Variants in NME4 observed in about 807,000 individuals in gnomAD.
NME4 encodes the protein NME/NM23 nucleoside diphosphate kinase 4.
In NME4, 21 loss-of-function variants were observed where a neutral mutation model predicts 16.4. The ratio of observed to expected loss-of-function variants is 1.28; its 90% CI spans 0.91 to 1.84. The LOEUF (loss-of-function observed/expected upper bound fraction) is 1.84, where lower values mean the gene tolerates loss of function less well. Among genes scored for constraint, NME4 ranks in the 40% most tolerant of loss-of-function variants. The pLI is 0.00. For missense variants in NME4, 316 were observed against 261.3 expected (o/e 1.21, Z -1.44); for synonymous variants, 132 against 107.5 (o/e 1.23, Z -1.41).
chr16:399,608 C>A lies in NME4; in HGVS notation c.328-19C>A. 1.1e-5 allele frequency: 18 copies of A among 1,610,476 alleles called. No homozygotes were observed. The highest frequency in any genetic ancestry group is 1.5e-5 in the Non-Finnish European group (18 of 1,177,524). On this transcript the variant is annotated intron_variant, in intron 3 of 4. Transcript: ENST00000219479. Reference sequence around the variant, plus strand: ...CTTGGTGTTCCCCACTTCTCCCCAACCATTATCTCTCGCTGCAGGTCTGGG... The same window carrying A: ...CTTGGTGTTCCCCACTTCTCCCCAAACATTATCTCTCGCTGCAGGTCTGGG...
rs1449719319 is a variant in NME4, at chr16:399,637, G to A, written c.338G>A (p.Gly113Glu). ...TATCTCTCGCTGCAGGTCTGGGAAGGGTACAATGTCGTCCGCGCCTCGAGG... is the reference window on the plus strand; with the variant it reads ...TATCTCTCGCTGCAGGTCTGGGAAGAGTACAATGTCGTCCGCGCCTCGAGG... ...SGPVVAMVWE[G>E]YNVVRASRAM... Residue 113 changes from glycine (G) to glutamate (E), a missense_variant, in exon 4 of 5, where the codon GGG (glycine) becomes GAG (glutamate). Physicochemically the swap from Gly to Glu is moderately conservative, Grantham distance 98. Transcript: ENST00000219479. 1.2e-6 allele frequency: 2 copies of A among 1,613,042 alleles called. No individual in the cohort carries two copies. The highest frequency in any genetic ancestry group is 8.5e-7 in the Non-Finnish European group (1 of 1,179,920).
chr16:397,248 C>A lies in NME4; in HGVS notation c.26C>A (p.Ala9Glu). 9.6e-7 allele frequency: 1 copy of A among 1,042,932 alleles called. No individual in the cohort carries two copies. Among genetic ancestry groups the A allele is most frequent in the South Asian group, 4.5e-5 (1 of 22,436 alleles). 64.6% of individuals were successfully genotyped at this position (1,042,932 alleles called of 1,614,324 possible). A position where few individuals can be genotyped will look rare whatever the true frequency, so the allele number is the denominator to read the frequency against. MGGLFWRS[A>E]LRGLRCGPRA... ...ATGGGCGGCCTCTTCTGGCGCTCCGCGCTGCGGGGGCTGCGCTGCGGCCCG... is the reference window on the plus strand; with the variant it reads ...ATGGGCGGCCTCTTCTGGCGCTCCGAGCTGCGGGGGCTGCGCTGCGGCCCG... Residue 9 changes from alanine (A) to glutamate (E), a missense_variant, in exon 1 of 5, where the codon GCG (alanine) becomes GAG (glutamate). Physicochemically the swap from Ala to Glu is moderately radical, Grantham distance 107. Coordinates refer to ENST00000219479, the MANE Select transcript of NME4 (RefSeq NM_005009.3).
rs1198366589 is a variant in NME4 at position 397,286 on chromosome 16, CCGAGCCTGCTAGT to C, written c.65_77del (p.Pro22ArgfsTer19). Reference sequence around the variant, plus strand: ...GCGCTGCGGCCCGCGGGCCCCGGGCCCGAGCCTGCTAGTGCGCCACGGCTCGGGTGAGTGGGGC... The same window carrying C: ...GCGCTGCGGCCCGCGGGCCCCGGGCCGCGCCACGGCTCGGGTGAGTGGGGC... On this transcript the variant is annotated frameshift_variant, in exon 1 of 5. Coordinates refer to ENST00000219479, the MANE Select transcript of NME4 (RefSeq NM_005009.3). LOFTEE classifies it high-confidence loss of function. The C allele has an allele frequency of 2.7e-4, 282 of 1,059,712 alleles. 1 individual carries two copies. Among genetic ancestry groups the C allele is most frequent in the Non-Finnish European group, 1.7e-5 (15 of 879,938 alleles). The allele number at this position is 1,059,712 out of a possible 1,614,324, so 65.6% of individuals were successfully genotyped here.
chr16:397,392 T>G, intron 1 of NME4, 79 bp downstream of exon 1: 2 of 527,878 alleles, frequency 3.8e-6, no homozygotes, highest in Non-Finnish European at 4.9e-6. Flanking sequence ...TGCGCGCACG[T>G]GCGGGCTGGG....
intron 1 of NME4, among the ~76,000 whole-genome samples, 176 bp downstream of exon 1, chr16:397,489 C>CA (rs1779963596): frequency 7.2e-6 from 1 of 138,192 alleles, no homozygotes; most frequent in Non-Finnish European, 1.6e-5. Flanking sequence ...CACGCCCCTC[C>CA]AGTGCCCGTC....
chr16:398,029 C>T, intron 1 of NME4: 1 of 1,535,442 alleles, frequency 6.5e-7, no homozygotes, highest in Non-Finnish European at 8.8e-7. Flanking sequence ...CTTCAGCCGC[C>T]TGCTGGGGTT....
rs2054635933 is a variant in NME4, at chr16:400,307, G to C, written c.529G>C (p.Asp177His). The C allele has an allele frequency of 6.2e-7, 1 of 1,607,120 alleles. No individual in the cohort carries two copies. The highest frequency in any genetic ancestry group is 8.5e-7 in the Non-Finnish European group (1 of 1,178,012). The change falls in exon 5 of 5, where the codon GAC becomes CAC. Residue 177 changes from aspartate (D) to histidine (H), a missense_variant. Transcript: ENST00000219479. ...GAGCAGTGAGCTGGTGAGCTGGGCA[G>C]ACGGGGGCCAGCACAGCAGCATCCA... Reference protein sequence around the residue: ...FQSSELVSWADGGQHSSIHPA With the variant: ...FQSSELVSWAHGGQHSSIHPA
Position 399,447 on chromosome 16 carries a change from C to T in NME4, c.294C>T (p.Ile98=), listed in dbSNP as rs1488945109. 1 of 1,612,870 alleles carries T rather than the reference C, an allele frequency of 6.2e-7. No individual in the cohort carries two copies. ...GGAAGCCCTTCTACCCTGCCCTCAT[C>T]CGCTACATGAGCTCTGGGCCTGTGG... The part of the protein sequence containing the change: ...LRRKPFYPAL[I]RYMSSGPVVA... Residue 98 remains isoleucine (I), a synonymous_variant, in exon 3 of 5, where the codon ATC becomes ATT. Transcript: ENST00000219479.
intron 1 of NME4, among the ~76,000 whole-genome samples, 191 bp downstream of exon 1, chr16:397,504 T>C (rs978421846): frequency 7.4e-6 from 1 of 135,920 alleles, no homozygotes; most frequent in Admixed American, 7.2e-5. Context: ...CCCGTCCGGC[T>C]CTGCGGCTCC....
intron 1 of NME4, 64 bp downstream of exon 1, chr16:397,377 C>T: frequency 3.2e-6 from 2 of 634,832 alleles, no homozygotes; most frequent in Non-Finnish European, 2.0e-6. Flanking sequence ...GCCGCTCGGC[C>T]TTTGTGCGCG....
chr16:399,401 A>G lies in NME4; in HGVS notation c.248A>G (p.Glu83Gly). The G allele has an allele frequency of 6.2e-7, 1 of 1,612,900 alleles. No individual in the cohort carries two copies. ...MLQAPESVLA[E>G]HYQDLRRKPF... ...CAGGCACCAGAGAGCGTCCTTGCCGAGCACTACCAGGACCTGCGGAGGAAG... is the reference window on the plus strand; with the variant it reads ...CAGGCACCAGAGAGCGTCCTTGCCGGGCACTACCAGGACCTGCGGAGGAAG... Residue 83 changes from glutamate to glycine, a missense_variant, in exon 3 of 5, where the codon GAG becomes GGG. Physicochemically the swap from Glu to Gly is moderately conservative, Grantham distance 98. Coordinates refer to ENST00000219479, the MANE Select transcript of NME4 (RefSeq NM_005009.3).
Position 397,264 on chromosome 16 carries a change from C to T in NME4, c.42C>T (p.Arg14=), listed in dbSNP as rs2054560904. The change falls in exon 1 of 5, where the codon CGC becomes CGT. Residue 14 remains arginine, a synonymous_variant. Coordinates refer to ENST00000219479, the MANE Select transcript of NME4 (RefSeq NM_005009.3). ...LFWRSALRGL[R]CGPRAPGPSL... ...GGCGCTCCGCGCTGCGGGGGCTGCG[C>T]TGCGGCCCGCGGGCCCCGGGCCCGA... is the stretch of plus-strand genomic sequence containing the variant. 6.7e-6 allele frequency: 7 copies of T among 1,050,746 alleles called. No individual in the cohort carries two copies. Among genetic ancestry groups the T allele is most frequent in the Non-Finnish European group, 8.0e-6 (7 of 874,746 alleles). The allele number at this position is 1,050,746 out of a possible 1,614,324, so 65.1% of individuals were successfully genotyped here. A position where few individuals can be genotyped will look rare whatever the true frequency, so the allele number is the denominator to read the frequency against.
chr16:399,181 T>C, intron 2 of NME4, 58 bp downstream of exon 2: 2 of 1,596,858 alleles, frequency 1.3e-6, no homozygotes, highest in Non-Finnish European at 1.7e-6. Context: ...GGGATCCTTC[T>C]CGGCCTTTCA....
In NME4 at chr16:397,282, G is replaced by C. The variant is rs2054561614; in HGVS notation, c.60G>C (p.Pro20=). The change falls in exon 1 of 5, where the codon CCG becomes CCC. Residue 20 remains proline (P), a synonymous_variant. Transcript: ENST00000219479. ...GGCTGCGCTGCGGCCCGCGGGCCCC[G>C]GGCCCGAGCCTGCTAGTGCGCCACG... ...LRGLRCGPRA[P]GPSLLVRHGS... 2.8e-6 allele frequency: 3 copies of C among 1,059,996 alleles called. No homozygotes were observed. The highest frequency in any genetic ancestry group is 4.5e-5 in the South Asian group (1 of 22,414). The allele number at this position is 1,059,996 out of a possible 1,614,324, so 65.7% of individuals were successfully genotyped here.
chr16:398,401 T>C lies in NME4; in HGVS notation c.92-589T>C, dbSNP rs76777042. 5,645 of 1,223,418 alleles carry C rather than the reference T, an allele frequency of 4.6e-3. 216 individuals carry two copies. In the African/African-American group the frequency reaches 0.076, roughly 17 times the overall value. 75.8% of individuals were successfully genotyped at this position (1,223,418 alleles called of 1,614,324 possible). A position where few individuals can be genotyped will look rare whatever the true frequency, so the allele number is the denominator to read the frequency against. On this transcript the variant is annotated intron_variant, in intron 1 of 4. Transcript: ENST00000219479. ...GGCTCACCTGGTGGGGAAAGTGTGT[T>C]TCTCCCTGGTTCCCTGCCACTCATT...
chr16:400,445 C>A lies in NME4; in HGVS notation c.*103C>A. The A allele has an allele frequency of 7.0e-7, 1 of 1,435,544 alleles. No individual in the cohort carries two copies. Among genetic ancestry groups the A allele is most frequent in the Middle Eastern group, 2.5e-4 (1 of 3,990 alleles). 88.9% of individuals were successfully genotyped at this position (1,435,544 alleles called of 1,614,324 possible). On this transcript the variant is annotated 3_prime_UTR_variant, in exon 5 of 5. Transcript: ENST00000219479. ...AAACCTGCCTGTCCCAAACCACTTACTTCCCTGTTCACCTCTGCCCCACCC... is the reference window on the plus strand; with the variant it reads ...AAACCTGCCTGTCCCAAACCACTTAATTCCCTGTTCACCTCTGCCCCACCC...
Position 399,014 on chromosome 16 carries a change from G to C in NME4, c.116G>C (p.Arg39Pro). The change falls in exon 2 of 5, where the codon CGG (arginine) becomes CCG (proline). Residue 39 changes from arginine to proline, a missense_variant. By Grantham distance (103) the Arg-to-Pro change is moderately radical (BLOSUM62 -2). Transcript: ENST00000219479. Reference sequence around the variant, plus strand: ...GGAGGGCCCTCCTGGACCCGGGAGCGGACCCTGGTGGCGGTGAAGCCCGAT... The same window carrying C: ...GGAGGGCCCTCCTGGACCCGGGAGCCGACCCTGGTGGCGGTGAAGCCCGAT... ...GSGGPSWTRE[R>P]TLVAVKPDGV... The C allele has an allele frequency of 6.2e-7, 1 of 1,610,094 alleles. No individual in the cohort carries two copies. The highest frequency in any genetic ancestry group is 1.1e-5 in the South Asian group (1 of 91,082).
chr16:400,154 G>A, intron 4 of NME4, 65 bp from the exon 5 acceptor site: 2 of 1,610,096 alleles, frequency 1.2e-6, no homozygotes, highest in Non-Finnish European at 1.7e-6. Flanking sequence ...AGCAGCAGAT[G>A]GTCCCTGGGA....
intron 1 of NME4, chr16:398,039 T>A (rs1409253983): frequency 6.5e-7 from 1 of 1,533,120 alleles, no homozygotes; most frequent in Admixed American, 2.0e-5. Context: ...CTGCTGGGGT[T>A]AACTTTTCCT....
Sources: allele counts gnomAD v4.1 joint callset (sites outside exome capture counted in the v4.1 genomes callset), GRCh38; gene constraint gnomAD v4.1.1; transcripts MANE v1.5; gene names NCBI Gene and HGNC (gene_info 2026-07-23, HGNC 2026-07-21).